ATAD2: variants seen among roughly 807,000 people sequenced by gnomAD.
ATAD2 encodes the protein ATPase family AAA domain-containing protein 2.
Under a neutral mutation model 168.9 loss-of-function variants are expected in ATAD2, and 62 were observed. That is an observed-to-expected ratio of 0.37 (90% CI 0.30 to 0.45). The LOEUF (loss-of-function observed/expected upper bound fraction) is 0.45. Among genes scored for constraint, ATAD2 ranks in the 20% least tolerant of loss-of-function variants. ATAD2 has a pLI of 1.00. For synonymous variants in ATAD2, 613 were observed against 571.6 expected (o/e 1.07, Z -1.03); for missense variants, 1,419 against 1,667.8 (o/e 0.85, Z 2.60).
intron 1 of ATAD2, among the ~76,000 whole-genome samples, chr8:123,383,951 C>T (rs566104522): frequency 5.7e-4 from 87 of 151,542 alleles, no homozygotes; most frequent in African/African-American, 2.1e-3. Flanking sequence ...TGTGGTAGCA[C>T]GTGCCTGTAA....
intron 8 of ATAD2, among the ~76,000 whole-genome samples, chr8:123,367,244 G>A (rs1193164879): frequency 2.0e-5 from 3 of 151,926 alleles, no homozygotes; most frequent in Admixed American, 6.6e-5. Context: ...TGAAAACCCC[G>A]TCTCTACTAA....
upstream of ATAD2, chr8:123,401,365 C>T (rs181286531): frequency 2.9e-4 from 412 of 1,409,206 alleles, 1 homozygote; most frequent in African/African-American, 5.4e-3. Flanking sequence ...CCTGCTCACC[C>T]AGGCGGGTGT....
At chr8:123,352,746 AAACAACAAC>A (rs545367197) in intron 13 of ATAD2, 14 of 151,566 alleles carry the variant, frequency 9.2e-5, no homozygotes, top group South Asian at 8.3e-4. Context: ...ACAAAATCAA[AAACAACAAC>A]AACAACAACA....
chr8:123,403,145 A>G (rs1013724674), intron 1 of ATAD2, among the ~76,000 whole-genome samples: 3 of 152,190 alleles, frequency 2.0e-5, no homozygotes, highest in African/African-American at 7.2e-5. Flanking sequence ...GCTGGAGTGC[A>G]GTGGTGGGAT....
At chr8:123,334,924 C>G (rs1041981386) in intron 22 of ATAD2, among the ~76,000 whole-genome samples, 1 of 152,154 alleles carries the variant, frequency 6.6e-6, no homozygotes, top group Non-Finnish European at 1.5e-5. Flanking sequence ...GTACATTACA[C>G]GCAGAATGCT....
intron 1 of ATAD2, among the ~76,000 whole-genome samples, chr8:123,382,138 C>A (rs1586899297): frequency 6.6e-6 from 1 of 152,162 alleles, no homozygotes; most frequent in Admixed American, 6.5e-5. Flanking sequence ...GAAAACTGAT[C>A]AGTTTAGAAA....
Position 123,337,679 on chromosome 8 carries a change from C to T in ATAD2, c.2997G>A (p.Arg999=). ...CTCGGAATCGCTTGTCAATAGCAAG[C>T]CTATGTGTAACATTTCTTAAGAAAA... ...LRIFLRNVTH[R]LAIDKRFRVF... Residue 999 remains arginine, a synonymous_variant, in exon 21 of 28, where the codon AGG becomes AGA. Transcript: ENST00000287394. 6.2e-7 allele frequency: 1 copy of T among 1,613,472 alleles called. No homozygotes were observed. The highest frequency in any genetic ancestry group is 1.1e-5 in the South Asian group (1 of 90,870).
At chr8:123,337,530 A>G in intron 21 of ATAD2, 95 bp downstream of exon 21, 1 of 1,175,912 alleles carries the variant, frequency 8.5e-7, no homozygotes, top group Non-Finnish European at 1.2e-6. Context: ...AAACTAGTTA[A>G]GAGTGTAGGC....
chr8:123,326,202 A>C (rs1827611008), intron 25 of ATAD2, among the ~76,000 whole-genome samples, 176 bp from the exon 26 acceptor site: 3 of 152,212 alleles, frequency 2.0e-5, no homozygotes, highest in Non-Finnish European at 4.4e-5. Context: ...ACACTCAAAA[A>C]TTAAGGACAG....
chr8:123,373,706 G>A (rs900320499), intron 2 of ATAD2, among the ~76,000 whole-genome samples: 18 of 150,348 alleles, frequency 1.2e-4, no homozygotes, highest in East Asian at 1.2e-3. Flanking sequence ...GGAGAATGGC[G>A]TGAACCCAGG....
upstream of ATAD2, among the ~76,000 whole-genome samples, chr8:123,398,704 T>G (rs564450514): frequency 6.6e-5 from 10 of 151,602 alleles, no homozygotes; most frequent in African/African-American, 2.4e-4. Context: ...GGGGTCTCAC[T>G]CTGTTGCCCA....
At chr8:123,326,550 T>C (rs1827620966) in intron 25 of ATAD2, among the ~76,000 whole-genome samples, 2 of 151,414 alleles carry the variant, frequency 1.3e-5, no homozygotes, top group Non-Finnish European at 1.5e-5. Context: ...TGGTGGTACA[T>C]GCCTATAGTC....
chr8:123,340,610 A>G (rs936749666), intron 19 of ATAD2, among the ~76,000 whole-genome samples: 2 of 152,260 alleles, frequency 1.3e-5, no homozygotes, highest in Admixed American at 6.5e-5. Context: ...GTATATACAT[A>G]CAATGGAAAA....
chr8:123,385,149 A>G (rs1366206074), intron 1 of ATAD2, among the ~76,000 whole-genome samples: 1 of 152,232 alleles, frequency 6.6e-6, no homozygotes, highest in Admixed American at 6.5e-5. Flanking sequence ...ACAGCTATAC[A>G]GGTTTCCACT....
chr8:123,346,609 A>C lies in ATAD2; in HGVS notation c.2345+9T>G, dbSNP rs1828250240. On this transcript the variant is annotated intron_variant, in intron 17 of 27. Transcript: ENST00000287394. ...ATGCAAAAAACATTGATTTGCAAGAAAAATATACCTATTCAAATGAAGAAA... is the reference window on the plus strand; with the variant it reads ...ATGCAAAAAACATTGATTTGCAAGACAAATATACCTATTCAAATGAAGAAA... 3.3e-6 allele frequency: 5 copies of C among 1,528,664 alleles called. No homozygotes were observed. In the Admixed American group the frequency reaches 6.7e-5, roughly 20 times the overall value. 94.7% of individuals were successfully genotyped at this position (1,528,664 alleles called of 1,614,324 possible). A position where few individuals can be genotyped will look rare whatever the true frequency, so the allele number is the denominator to read the frequency against.
At chr8:123,325,710 T>C (rs924550825) in intron 26 of ATAD2, among the ~76,000 whole-genome samples, 183 bp downstream of exon 26, 10 of 152,164 alleles carry the variant, frequency 6.6e-5, no homozygotes, top group African/African-American at 2.4e-4. Context: ...CGTGAGCCAC[T>C]GTGCCTGACC....
rs1813017141 is a variant in ATAD2 at position 123,402,643 on chromosome 8, C to G, written c.-2281-1468G>C. Among the ~76,000 whole-genome samples, 1 of 152,156 alleles carries G rather than the reference C, an allele frequency of 6.6e-6. No homozygotes were observed. The highest frequency in any genetic ancestry group is 2.4e-5 in the African/African-American group (1 of 41,436). On this transcript the variant is annotated intron_variant, in intron 1 of 28. Transcript: ENST00000521903. This position sits in a 1 kb window ranked among gnomAD's most constrained non-coding sequence, Gnocchi z 4.8. ...CCTGTCCCTGGCCCTGGGGAGAAGG[C>G]TGCTCTGGTCATGGCTGCCTGCCCC...
chr8:123,334,383 A>C, intron 22 of ATAD2, 61 bp from the exon 23 acceptor site: 1 of 1,397,454 alleles, frequency 7.2e-7, no homozygotes, highest in Non-Finnish European at 9.5e-7. Flanking sequence ...TACCAAAAAT[A>C]AACTCAGCAT....
rs930821111 is a variant in ATAD2 at position 123,355,654 on chromosome 8, A to G, written c.1646+735T>C. Among the ~76,000 whole-genome samples, 3 of 152,324 alleles carry G rather than the reference A, an allele frequency of 2.0e-5. No homozygotes were observed. In the South Asian group the frequency reaches 6.2e-4, roughly 32 times the overall value. Reference sequence around the variant, plus strand: ...TCCAAATTAGCTGGTAAAATTTAAGATACTTGACAATTTGAACATAAAATC... The same window carrying G: ...TCCAAATTAGCTGGTAAAATTTAAGGTACTTGACAATTTGAACATAAAATC... On this transcript the variant is annotated intron_variant, in intron 13 of 27. Coordinates refer to ENST00000287394, the MANE Select transcript of ATAD2 (RefSeq NM_014109.4).
Sources: gnomAD v4.1 joint callset for allele counts (sites outside exome capture counted in the v4.1 genomes callset) on GRCh38, gnomAD v4.1.1 for gene constraint, Gnocchi (gnomAD v3.1) non-coding constraint, MANE v1.5 for transcripts, NCBI Gene and HGNC (gene_info 2026-07-23, HGNC 2026-07-21) for gene names.